ZFHX3: variants seen among roughly 807,000 people sequenced by gnomAD.
ZFHX3 encodes zinc finger homeobox 3.
A neutral mutation model predicts 279.1 loss-of-function variants in ZFHX3; 42 were observed. The observed-to-expected ratio is 0.15, with a 90% CI of 0.12 to 0.19. The LOEUF is 0.19. Ranked by LOEUF, ZFHX3 falls within the 10% of genes least tolerant of loss-of-function variation. The pLI is 1.00. For synonymous variants in ZFHX3, 2,293 were observed against 1,957.8 expected, an observed-to-expected ratio of 1.17 and a Z score of -4.52; for missense variants, 4,981 against 4,754.0, an observed-to-expected ratio of 1.05 and a Z score of -1.40.
At chr16:72,991,965 G>A (rs929535310) in intron 1 of ZFHX3, among the ~76,000 whole-genome samples, 13 of 152,154 alleles carry the variant, frequency 8.5e-5, no homozygotes, top group Non-Finnish European at 1.6e-4. Flanking sequence ...TGGTTATAAC[G>A]GAGGATCCCG....
At chr16:73,065,581 G>A (rs1366266394) in intron 8 of ZFHX3, among the ~76,000 whole-genome samples, 6 of 134,978 alleles carry the variant, frequency 4.4e-5, no homozygotes, top group Admixed American at 3.0e-4. Context: ...GTGTGTGTGT[G>A]TGTGTGTGTG....
intron 5 of ZFHX3, among the ~76,000 whole-genome samples, chr16:73,233,468 T>C (rs941331295): frequency 9.9e-5 from 15 of 152,200 alleles, no homozygotes; most frequent in Non-Finnish European, 1.6e-4. Context: ...AGCTGCTGAT[T>C]CTCTGTTTGT....
chr16:73,170,925 G>A (rs1567408963), intron 5 of ZFHX3, among the ~76,000 whole-genome samples: 1 of 152,090 alleles, frequency 6.6e-6, no homozygotes, highest in Non-Finnish European at 1.5e-5. Context: ...GTTTTCCGAC[G>A]CACCGTGGAA....
At chr16:73,820,114 G>A (rs1842949867) in intron 1 of ZFHX3, among the ~76,000 whole-genome samples, 1 of 152,062 alleles carries the variant, frequency 6.6e-6, no homozygotes, top group African/African-American at 2.4e-5. Context: ...TTTTGAGACA[G>A]AGTCTTGCTC....
chr16:73,411,881 A>G (rs1239370874), intron 3 of ZFHX3, among the ~76,000 whole-genome samples: 1 of 152,210 alleles, frequency 6.6e-6, no homozygotes, highest in African/African-American at 2.4e-5. Context: ...TGTGACCTCC[A>G]GTCTACATGA....
chr16:73,176,487 G>T (rs1049151297), intron 5 of ZFHX3, among the ~76,000 whole-genome samples: 2 of 152,160 alleles, frequency 1.3e-5, no homozygotes, highest in East Asian at 3.9e-4. Context: ...CTAAGGAGGA[G>T]TAACTTGACC....
At chr16:73,070,963 CACACACACAT>C (rs1965819563) in intron 8 of ZFHX3, among the ~76,000 whole-genome samples, 1 of 144,008 alleles carries the variant, frequency 6.9e-6, no homozygotes, top group South Asian at 2.5e-4. Context: ...CACACACACA[CACACACACAT>C]CTGGGTGCCC....
intron 2 of ZFHX3, among the ~76,000 whole-genome samples, chr16:73,597,670 C>A (rs1017890920): frequency 2.0e-5 from 3 of 152,136 alleles, no homozygotes; most frequent in Admixed American, 2.0e-4. Flanking sequence ...CCAAGGACTG[C>A]CAGCAGCCAC....
chr16:73,718,398 G>A (rs1468478887), intron 1 of ZFHX3, among the ~76,000 whole-genome samples: 4 of 151,930 alleles, frequency 2.6e-5, no homozygotes, highest in South Asian at 2.1e-4. Flanking sequence ...GTGAAAGAGC[G>A]AGACTCTGTC....
At chr16:73,374,758 C>T (rs2016692733) in intron 3 of ZFHX3, among the ~76,000 whole-genome samples, 1 of 152,114 alleles carries the variant, frequency 6.6e-6, no homozygotes, top group Non-Finnish European at 1.5e-5. Context: ...GTTGAAGAAA[C>T]TGGGTCGTTA....
intron 3 of ZFHX3, among the ~76,000 whole-genome samples, chr16:73,397,158 A>G (rs1047743380): frequency 6.6e-6 from 1 of 152,264 alleles, no homozygotes; most frequent in African/African-American, 2.4e-5. Context: ...CATGGAGTTC[A>G]TAATCTAGAC....
In ZFHX3 at chr16:72,795,879, T is replaced by C; in HGVS notation, c.6803A>G (p.Lys2268Arg). The C allele has an allele frequency of 6.2e-7, 1 of 1,614,192 alleles. No individual in the cohort carries two copies. Among genetic ancestry groups the C allele is most frequent in the Non-Finnish European group, 8.5e-7 (1 of 1,180,028 alleles). ...AGAGAGTTGCTCAAATTCATCATCC[T>C]TTGGGTAAGCATTGGCATCGAAGAA... ...QDFFDANAYP[K>R]DDEFEQLSNL... The change falls in exon 9 of 10, where the codon AAG (lysine) becomes AGG (arginine). Residue 2268 changes from lysine to arginine, a missense_variant. Physicochemically the swap from Lys to Arg is conservative, Grantham distance 26. Transcript: ENST00000268489.
rs188874107 is a variant in ZFHX3 at position 73,745,457 on chromosome 16, G to T, written c.-1607-65217C>A. Among the ~76,000 whole-genome samples the T allele has an allele frequency of 5.9e-5, 9 of 152,248 alleles. No homozygotes were observed. In the East Asian group the frequency reaches 1.7e-3, roughly 29 times the overall value. ...TGGGTCAGACACAAAGGCCCTCATG[G>T]GTCAGGAACTAAAGTATATATGCAC... On this transcript the variant is annotated intron_variant, in intron 1 of 17. Coordinates refer to the ZFHX3 transcript ENST00000641206.
intron 5 of ZFHX3, among the ~76,000 whole-genome samples, chr16:73,238,243 T>C (rs1490080338): frequency 6.6e-6 from 1 of 152,202 alleles, no homozygotes; most frequent in Non-Finnish European, 1.5e-5. Context: ...ACACTTTGTT[T>C]TGTGTAATGT....
chr16:73,532,435 T>C (rs545564391), intron 2 of ZFHX3, among the ~76,000 whole-genome samples: 107 of 152,272 alleles, frequency 7.0e-4, no homozygotes, highest in Middle Eastern at 3.4e-3. Flanking sequence ...ATTAAACCTC[T>C]TTTTCTTTAT....
intron 4 of ZFHX3, among the ~76,000 whole-genome samples, chr16:72,873,592 G>A (rs1382727982): frequency 6.6e-6 from 1 of 151,886 alleles, no homozygotes; most frequent in East Asian, 1.9e-4. Flanking sequence ...GTTCATATAC[G>A]AGGTAGTAAT....
chr16:73,357,160 C>T (rs1248449679), intron 3 of ZFHX3, among the ~76,000 whole-genome samples: 1 of 151,904 alleles, frequency 6.6e-6, no homozygotes, highest in Non-Finnish European at 1.5e-5. Context: ...GTCTCTGGTT[C>T]TATTTCTGGG....
intron 4 of ZFHX3, among the ~76,000 whole-genome samples, chr16:73,275,958 C>T (rs1349003877): frequency 5.3e-5 from 8 of 151,904 alleles, no homozygotes; most frequent in Non-Finnish European, 4.4e-5. Flanking sequence ...ACACCTAACT[C>T]GAAAGTTAGG....
intron 4 of ZFHX3, among the ~76,000 whole-genome samples, chr16:73,290,078 A>G (rs1217513749): frequency 6.6e-6 from 1 of 152,048 alleles, no homozygotes; most frequent in Non-Finnish European, 1.5e-5. Context: ...CGAACTAAGA[A>G]CATAAGCTCA....
Sources: allele counts gnomAD v4.1 joint callset (sites outside exome capture counted in the v4.1 genomes callset), GRCh38; gene constraint gnomAD v4.1.1; transcripts MANE v1.5; gene names NCBI Gene and HGNC (gene_info 2026-07-23, HGNC 2026-07-21).